ACACA: variants seen among roughly 807,000 people sequenced by gnomAD.
The protein encoded by ACACA is acetyl-CoA carboxylase 1.
Under a neutral mutation model 296.1 loss-of-function variants are expected in ACACA, and 103 were observed. The ratio of observed to expected loss-of-function variants is 0.35; its 90% CI spans 0.30 to 0.41. The LOEUF (loss-of-function observed/expected upper bound fraction) is 0.41, where lower values mean the gene tolerates loss of function less well. ACACA is among the 10% of genes least tolerant of loss of function. ACACA has a pLI of 1.00. For missense variants in ACACA, 1,554 were observed against 2,989.7 expected, an observed-to-expected ratio of 0.52 and a Z score of 11.20; for synonymous variants, 953 against 1,038.6, an observed-to-expected ratio of 0.92 and a Z score of 1.58.
intron 52 of ACACA, among the ~76,000 whole-genome samples, chr17:37,111,312 G>A (rs1234724225): frequency 6.6e-6 from 1 of 151,868 alleles, no homozygotes; most frequent in Non-Finnish European, 1.5e-5. Flanking sequence ...GGAAATATCA[G>A]GAAAAAAAAT....
chr17:37,251,915 T>G (rs748993902), intron 16 of ACACA, 90 bp downstream of exon 16: 164 of 1,203,134 alleles, frequency 1.4e-4, no homozygotes, highest in Non-Finnish European at 1.9e-4. Flanking sequence ...CTGCCAGGAA[T>G]GGACAGAAGA....
chr17:37,335,760 C>T (rs1241533350), intron 2 of ACACA, among the ~76,000 whole-genome samples: 1 of 152,114 alleles, frequency 6.6e-6, no homozygotes, highest in Non-Finnish European at 1.5e-5. Context: ...TCGCTGATAC[C>T]CTGGTCACCT....
At chr17:37,168,381 A>G (rs1449599351) in intron 41 of ACACA, among the ~76,000 whole-genome samples, 1 of 152,174 alleles carries the variant, frequency 6.6e-6, no homozygotes, top group Non-Finnish European at 1.5e-5. Flanking sequence ...TTGTGTTTAT[A>G]TTGCATTGAT....
chr17:37,173,982 T>TTATTTATATATATATATA (rs1555573869), intron 41 of ACACA, among the ~76,000 whole-genome samples: 2 of 19,438 alleles, frequency 1.0e-4, no homozygotes, highest in Non-Finnish European at 2.1e-4. Flanking sequence ...CCTGGCTAAT[T>TTATTTATATATATATATA]TATATATATA....
chr17:37,274,599 C>A (rs2082198455), intron 8 of ACACA: 1 of 982,074 alleles, frequency 1.0e-6, no homozygotes, highest in Non-Finnish European at 1.2e-6. Context: ...ATACTTCTCA[C>A]AGCAACTCAG....
intron 10 of ACACA, among the ~76,000 whole-genome samples, chr17:37,264,897 T>G (rs1254677067): frequency 6.6e-6 from 1 of 152,200 alleles, no homozygotes; most frequent in Non-Finnish European, 1.5e-5. Context: ...CTTCTTCTGG[T>G]CTTGCACTTA....
intron 1 of ACACA, among the ~76,000 whole-genome samples, chr17:37,376,683 G>A (rs1477090643): frequency 2.0e-5 from 3 of 152,124 alleles, no homozygotes; most frequent in Non-Finnish European, 2.9e-5. Flanking sequence ...GGCTGGGCAC[G>A]GTGGCTCATG....
chr17:37,176,677 A>G (rs1184022605), intron 41 of ACACA, among the ~76,000 whole-genome samples: 2 of 152,330 alleles, frequency 1.3e-5, no homozygotes, highest in South Asian at 2.1e-4. Context: ...ACACTTTGTC[A>G]TCTCTTAGGC....
At chr17:37,094,876 G>A (rs1239855028) in intron 54 of ACACA, among the ~76,000 whole-genome samples, 1 of 152,268 alleles carries the variant, frequency 6.6e-6, no homozygotes, top group Non-Finnish European at 1.5e-5. Context: ...TGCTCAGCAT[G>A]GCTGCCCCCA....
chr17:37,118,591 TCTAA>T (rs916867757), intron 50 of ACACA, among the ~76,000 whole-genome samples: 106 of 152,308 alleles, frequency 7.0e-4, no homozygotes, highest in African/African-American at 1.9e-3. Flanking sequence ...GGTTTTAGGC[TCTAA>T]CTGTGTTACA....
chr17:37,131,432 T>C (rs1356189207), intron 45 of ACACA, among the ~76,000 whole-genome samples: 2 of 152,200 alleles, frequency 1.3e-5, no homozygotes, highest in East Asian at 3.8e-4. Flanking sequence ...TCATCTAAGG[T>C]AGCCCCGGAG....
intron 1 of ACACA, among the ~76,000 whole-genome samples, chr17:37,366,447 G>T (rs1485609877): frequency 6.6e-6 from 1 of 150,848 alleles, no homozygotes; most frequent in Non-Finnish European, 1.5e-5. Flanking sequence ...ATATCTTAGA[G>T]CAGAAGATTT....
intron 39 of ACACA, among the ~76,000 whole-genome samples, chr17:37,187,672 C>T (rs1372601394): frequency 1.3e-5 from 2 of 152,116 alleles, no homozygotes; most frequent in African/African-American, 4.8e-5. Context: ...TTAAATTTGC[C>T]ACTTTGCTCT....
At chr17:37,153,453 G>A (rs77048054) in intron 43 of ACACA, among the ~76,000 whole-genome samples, 1,596 of 152,200 alleles carry the variant, frequency 0.01, 34 homozygotes, top group African/African-American at 0.035. Context: ...ACAGTTTAAC[G>A]TTAGAATGGT....
chr17:37,384,095 C>T (rs144295333), intron 1 of ACACA, among the ~76,000 whole-genome samples: 2,861 of 152,280 alleles, frequency 0.019, 85 homozygotes, highest in African/African-American at 0.066. Flanking sequence ...GAAACCCCGT[C>T]TCTACTAAAA....
At chr17:37,305,164 T>A (rs913581127) in intron 3 of ACACA, among the ~76,000 whole-genome samples, 1 of 152,208 alleles carries the variant, frequency 6.6e-6, no homozygotes, top group African/African-American at 2.4e-5. Flanking sequence ...TAACCTGTCA[T>A]GGGATTAGAA....
At chr17:37,405,471 G>C (rs1388571116) in intron 1 of ACACA, among the ~76,000 whole-genome samples, 1 of 152,206 alleles carries the variant, frequency 6.6e-6, no homozygotes, top group African/African-American at 2.4e-5. Context: ...ATTTATTGAT[G>C]TGATGCATAG....
chr17:37,091,341 G>A (rs1012832449), intron 54 of ACACA, among the ~76,000 whole-genome samples: 1 of 152,180 alleles, frequency 6.6e-6, no homozygotes, highest in African/African-American at 2.4e-5. Context: ...TGCTGTTTAC[G>A]CAAAGTACAA....
At chr17:37,196,333 T>C (rs938025376) in intron 35 of ACACA, among the ~76,000 whole-genome samples, 2 of 151,876 alleles carry the variant, frequency 1.3e-5, no homozygotes, top group Non-Finnish European at 2.9e-5. Context: ...ACTGCTCATA[T>C]AGTGAGCTCT....
Sources: gnomAD v4.1 joint callset for allele counts (sites outside exome capture counted in the v4.1 genomes callset) on GRCh38, gnomAD v4.1.1 for gene constraint, MANE v1.5 for transcripts, NCBI Gene and HGNC (gene_info 2026-07-23, HGNC 2026-07-21) for gene names.